WDR25: variants seen among roughly 807,000 people sequenced by gnomAD.
The protein encoded by WDR25 is WD repeat domain 25.
Under a neutral mutation model 47.7 loss-of-function variants are expected in WDR25, and 35 were observed. That is an observed-to-expected ratio of 0.73 (90% CI 0.56 to 0.97). The LOEUF is 0.97. Ranked by LOEUF, WDR25 falls within the 50% of genes least tolerant of loss-of-function variation. The probability of loss-of-function intolerance (pLI) is 0.00; values close to 1 mark genes in which losing one functional copy is unlikely to be tolerated. For missense variants in WDR25, 634 were observed against 704.7 expected (o/e 0.90, Z 1.14); for synonymous variants, 248 against 278.9 (o/e 0.89, Z 1.10).
chr14:100,426,969 T>C (rs536674653), intron 2 of WDR25, among the ~76,000 whole-genome samples: 3 of 152,306 alleles, frequency 2.0e-5, no homozygotes, highest in African/African-American at 7.2e-5. Context: ...AGGGGTTTCA[T>C]ACATGAGCTG....
chr14:100,402,215 G>A (rs1897400222), intron 2 of WDR25, among the ~76,000 whole-genome samples: 1 of 152,106 alleles, frequency 6.6e-6, no homozygotes, highest in Admixed American at 6.5e-5. Context: ...CTGTCAAAAG[G>A]TAGTGACATC....
intron 2 of WDR25, among the ~76,000 whole-genome samples, chr14:100,414,474 G>A (rs1165952177): frequency 2.6e-5 from 4 of 151,122 alleles, no homozygotes; most frequent in East Asian, 2.0e-4. Context: ...CACCATGCCC[G>A]GCTAATTTTT....
rs747907056 is a variant in WDR25 at position 100,424,175 on chromosome 14, C to T, written c.822+42429C>T. ...GGCACCACGGGCGAGGCCTCCCAGG[C>T]TGGCTGGGTGAGTGTTCCTGAGCCC... On this transcript the variant is annotated intron_variant, in intron 2 of 6. Transcript: ENST00000402312. The surrounding 1 kb of genome is among the most constrained non-coding windows in gnomAD (Gnocchi z 4.2). 1.3e-5 allele frequency among the ~76,000 whole-genome samples: 2 copies of T among 152,176 alleles called. No individual in the cohort carries two copies. Among genetic ancestry groups the T allele is most frequent in the Non-Finnish European group, 2.9e-5 (2 of 68,044 alleles).
At chr14:100,461,753 G>C (rs1204677670) in intron 2 of WDR25, among the ~76,000 whole-genome samples, 1 of 152,188 alleles carries the variant, frequency 6.6e-6, no homozygotes, top group African/African-American at 2.4e-5. Context: ...CTGTCAAGAG[G>C]TGGGATGAGG....
At position 100,523,841 on chromosome 14, in the gene WDR25, T is replaced by A. The variant is rs549421216; in HGVS notation, c.1102-2029T>A. Among the ~76,000 whole-genome samples, 2 of 152,232 alleles carry A rather than the reference T, an allele frequency of 1.3e-5. No individual in the cohort carries two copies. Among genetic ancestry groups the A allele is most frequent in the East Asian group, 3.9e-4 (2 of 5,174 alleles). On this transcript the variant is annotated intron_variant, in intron 4 of 6. Transcript: ENST00000402312. This position sits in a 1 kb window ranked among gnomAD's most constrained non-coding sequence, Gnocchi z 4.7. ...AGTGAGACTCCCTTTTGGATCCAGC[T>A]CGTTAGGCTCGGGTAGCAGCGTCCC... is the stretch of plus-strand genomic sequence containing the variant.
chr14:100,386,335 A>C (rs1161394705), intron 2 of WDR25, among the ~76,000 whole-genome samples: 1 of 152,238 alleles, frequency 6.6e-6, no homozygotes, highest in African/African-American at 2.4e-5. Context: ...ATCTGTTTAC[A>C]TAATTGGGCT....
intron 4 of WDR25, among the ~76,000 whole-genome samples, chr14:100,508,202 AG>A (rs1389370146): frequency 2.0e-5 from 3 of 152,158 alleles, no homozygotes; most frequent in Non-Finnish European, 4.4e-5. Context: ...ACACAGAAAA[AG>A]CTTTCAATAA....
intron 4 of WDR25, among the ~76,000 whole-genome samples, chr14:100,501,230 A>G (rs1196547976): frequency 2.0e-5 from 3 of 152,132 alleles, no homozygotes; most frequent in Non-Finnish European, 4.4e-5. Flanking sequence ...AACTTTCCCA[A>G]AGTGGTCACG....
chr14:100,526,224 T>A (rs547977910), intron 5 of WDR25, among the ~76,000 whole-genome samples, 184 bp downstream of exon 5: 4 of 152,154 alleles, frequency 2.6e-5, no homozygotes, highest in Non-Finnish European at 5.9e-5. Context: ...GGCTTCCAGA[T>A]GCAACCTCCT....
At chr14:100,419,083 G>T (rs1255727031) in intron 2 of WDR25, among the ~76,000 whole-genome samples, 2 of 152,188 alleles carry the variant, frequency 1.3e-5, no homozygotes, top group South Asian at 4.1e-4. Flanking sequence ...TTAGCTAGGT[G>T]TGGTGGTGCA....
At chr14:100,398,133 C>T (rs1897300053) in intron 2 of WDR25, among the ~76,000 whole-genome samples, 2 of 152,320 alleles carry the variant, frequency 1.3e-5, no homozygotes, top group East Asian at 1.9e-4. Flanking sequence ...CCACCACACC[C>T]GGCCTGGAGA....
rs1408078268 is a variant in WDR25 at position 100,430,860 on chromosome 14, T to C, written c.823-37161T>C. On this transcript the variant is annotated intron_variant, in intron 2 of 6. Transcript: ENST00000402312. This position sits in a 1 kb window ranked among gnomAD's most constrained non-coding sequence, Gnocchi z 4.7. The stretch of plus-strand genomic sequence containing the variant: ...CCTAAGAGGTGCCCACTCCCCTCCT[T>C]GTGGGTCATTTCATCCACCAACTCC... Among the ~76,000 whole-genome samples the C allele has an allele frequency of 6.6e-6, 1 of 152,186 alleles. No homozygotes were observed. Among genetic ancestry groups the C allele is most frequent in the Non-Finnish European group, 1.5e-5 (1 of 68,030 alleles).
rs528448819 is a variant in WDR25, at chr14:100,468,115, G to C, written c.917G>C (p.Arg306Pro). The C allele has an allele frequency of 6.2e-7, 1 of 1,613,254 alleles. No homozygotes were observed. The highest frequency in any genetic ancestry group is 8.5e-7 in the Non-Finnish European group (1 of 1,180,018). The change falls in exon 3 of 7, where the codon CGC (arginine) becomes CCC (proline). Residue 306 changes from arginine to proline, a missense_variant. By Grantham distance (103) the Arg-to-Pro change is moderately radical. Transcript: ENST00000402312. The surrounding 1 kb of genome is among the most constrained non-coding windows in gnomAD (Gnocchi z 4.5). ...RAARWAPCGRRILSGGFDFAL... is the reference protein window; with the variant it reads ...RAARWAPCGRPILSGGFDFAL... ...GCCCGGTGGGCTCCCTGTGGCCGGC[G>C]CATCCTCAGTGGTGGCTTTGACTTC...
At chr14:100,421,560 C>T (rs1435492030) in intron 2 of WDR25, among the ~76,000 whole-genome samples, 1 of 152,172 alleles carries the variant, frequency 6.6e-6, no homozygotes, top group Admixed American at 6.5e-5. Context: ...AAATAAACTT[C>T]CATAGATGCA....
At chr14:100,463,301 C>G (rs766150131) in intron 2 of WDR25, among the ~76,000 whole-genome samples, 8 of 152,200 alleles carry the variant, frequency 5.3e-5, no homozygotes, top group Non-Finnish European at 1.0e-4. Flanking sequence ...ACACCTGTCA[C>G]TGAGATTGTC....
At chr14:100,376,754 T>C in intron 1 of WDR25, 1 of 1,229,266 alleles carries the variant, frequency 8.1e-7, no homozygotes, top group Non-Finnish European at 1.0e-6. Flanking sequence ...CGGGGGGATC[T>C]GTGTTTTGTG....
At chr14:100,411,496 C>T (rs1897705843) in intron 2 of WDR25, among the ~76,000 whole-genome samples, 1 of 151,978 alleles carries the variant, frequency 6.6e-6, no homozygotes, top group African/African-American at 2.4e-5. Flanking sequence ...GATGCTGCCA[C>T]CCTCATGGTC....
At chr14:100,389,212 T>TC (rs1286695406) in intron 2 of WDR25, among the ~76,000 whole-genome samples, 4 of 152,328 alleles carry the variant, frequency 2.6e-5, no homozygotes, top group African/African-American at 9.6e-5. Context: ...CATAGACCCT[T>TC]CATTCAAGCC....
intron 4 of WDR25, among the ~76,000 whole-genome samples, chr14:100,492,379 A>C (rs1401446320): frequency 1.3e-5 from 2 of 152,128 alleles, no homozygotes; most frequent in South Asian, 2.1e-4. Context: ...GTGTAAGAAG[A>C]CCCCTGTTTA....
Sources: allele counts gnomAD v4.1 joint callset (sites outside exome capture counted in the v4.1 genomes callset), GRCh38; gene constraint gnomAD v4.1.1; non-coding constraint Gnocchi (gnomAD v3.1); transcripts MANE v1.5; gene names NCBI Gene and HGNC (gene_info 2026-07-23, HGNC 2026-07-21).